The following INPP5A variants were observed in gnomAD, a reference collection of about 807,000 sequenced individuals.
INPP5A encodes the protein 43 kDa inositol polyphosphate 5-phophatase.
In INPP5A, 14 loss-of-function variants were observed where a neutral mutation model predicts 65.2. The ratio of observed to expected loss-of-function variants is 0.21; its 90% confidence interval spans 0.14 to 0.34. The LOEUF (loss-of-function observed/expected upper bound fraction) is 0.34, where lower values mean the gene tolerates loss of function less well. Ranked by LOEUF, INPP5A falls within the 10% of genes least tolerant of loss-of-function variation. The pLI, the probability that INPP5A is intolerant of heterozygous loss-of-function variation, is 1.00. For missense variants in INPP5A, 431 were observed against 545.6 expected (o/e 0.79, Z 2.09); for synonymous variants, 207 against 208.3 (o/e 0.99, Z 0.05).
chr10:132,608,032 C>T, intron 2 of INPP5A, 76 bp downstream of exon 2: 1 of 1,364,610 alleles, frequency 7.3e-7, no homozygotes. Context: ...GGCATTCCTC[C>T]ATGGAGTCTG....
At chr10:132,757,354 G>A (rs553605039) in intron 11 of INPP5A, among the ~76,000 whole-genome samples, 3 of 152,344 alleles carry the variant, frequency 2.0e-5, no homozygotes, top group Admixed American at 1.3e-4. Flanking sequence ...AGAGGTGCAC[G>A]CTTTTTCTTC....
At position 132,575,572 on chromosome 10, in the gene INPP5A, C is replaced by A. The variant is rs1446452063; in HGVS notation, c.76-32343C>A. ...GCACTATCCTACTTCCCTAACCCAA[C>A]CACAAGCAGCGGAGCCAGTTATTTC... On this transcript the variant is annotated intron_variant, in intron 1 of 15. Coordinates refer to ENST00000368594, the MANE Select transcript of INPP5A (RefSeq NM_005539.5). The surrounding 1 kb of genome is among the most constrained non-coding windows in gnomAD (Gnocchi z 5.4). Among the ~76,000 whole-genome samples the A allele has an allele frequency of 6.6e-6, 1 of 152,200 alleles. No homozygotes were observed.
intron 3 of INPP5A, among the ~76,000 whole-genome samples, chr10:132,646,803 C>T (rs1418198647): frequency 2.6e-5 from 4 of 151,882 alleles, no homozygotes; most frequent in East Asian, 1.9e-4. Flanking sequence ...GGGCCGACGC[C>T]GCTGCCACAC....
chr10:132,635,385 G>GTTTTTTTT (rs1564943179), intron 2 of INPP5A, among the ~76,000 whole-genome samples: 3 of 40,166 alleles, frequency 7.5e-5, no homozygotes, highest in East Asian at 1.0e-3. Flanking sequence ...CCTTTTTAAA[G>GTTTTTTTT]ATTTTTTTTT....
chr10:132,573,660 G>A (rs1256786467), intron 1 of INPP5A, among the ~76,000 whole-genome samples: 7 of 97,940 alleles, frequency 7.1e-5, no homozygotes, highest in African/African-American at 9.4e-5. Context: ...GTTGGGGTGT[G>A]CGTGCCGTGT....
rs1160537533 is a variant in INPP5A, at chr10:132,587,692, A to G, written c.76-20223A>G. Among the ~76,000 whole-genome samples, 1 of 152,156 alleles carries G rather than the reference A, an allele frequency of 6.6e-6. No homozygotes were observed. Among genetic ancestry groups the G allele is most frequent in the Non-Finnish European group, 1.5e-5 (1 of 68,028 alleles). On this transcript the variant is annotated intron_variant, in intron 1 of 15. Transcript: ENST00000368594. The surrounding 1 kb of genome is among the most constrained non-coding windows in gnomAD (Gnocchi z 4.3). Reference sequence around the variant, plus strand: ...GCGTTTTGTGTATGCCATGATTTCAAAGTTATACTTGTGTTGTTTCTTAGA... The same window carrying G: ...GCGTTTTGTGTATGCCATGATTTCAGAGTTATACTTGTGTTGTTTCTTAGA...
rs540968669 is a variant in INPP5A, at chr10:132,579,456, G to A, written c.76-28459G>A. On this transcript the variant is annotated intron_variant, in intron 1 of 15. Transcript: ENST00000368594. Reference sequence around the variant, plus strand: ...CAGTAGGGGTGTGGGATTGTGCAGGGCAGGGAAGGGGCAGAGAGGGGGCCG... The same window carrying A: ...CAGTAGGGGTGTGGGATTGTGCAGGACAGGGAAGGGGCAGAGAGGGGGCCG... Among the ~76,000 whole-genome samples, 4 of 152,294 alleles carry A rather than the reference G, an allele frequency of 2.6e-5. No homozygotes were observed. The South Asian group carries it at 8.3e-4, about 32-fold the overall frequency.
chr10:132,543,508 C>T (rs1488030745), intron 1 of INPP5A, among the ~76,000 whole-genome samples: 1 of 152,238 alleles, frequency 6.6e-6, no homozygotes, highest in Non-Finnish European at 1.5e-5. Flanking sequence ...CCTTGACCTC[C>T]TGGCTTCAAG....
intron 2 of INPP5A, among the ~76,000 whole-genome samples, chr10:132,630,991 C>T (rs148515507): frequency 1.1e-3 from 163 of 152,254 alleles, no homozygotes; most frequent in African/African-American, 3.7e-3. Context: ...AAGGCTGCTG[C>T]ATGTGGTCAG....
At chr10:132,689,592 G>A (rs186405370) in intron 4 of INPP5A, among the ~76,000 whole-genome samples, 2 of 152,308 alleles carry the variant, frequency 1.3e-5, no homozygotes, top group East Asian at 1.9e-4. Context: ...ACCAGGCCCC[G>A]TGTTGGGGTT....
At position 132,731,572 on chromosome 10, in the gene INPP5A, G is replaced by A. The variant is rs201527125; in HGVS notation, c.732+4667G>A. ...GTGTTTTCAGCAGCAGGTTTTCTTC[G>A]CTGGTGCCGTTTGTTGGTGTCAGAC... is the stretch of plus-strand genomic sequence containing the variant. On this transcript the variant is annotated intron_variant, in intron 9 of 15. Coordinates refer to ENST00000368594, the MANE Select transcript of INPP5A (RefSeq NM_005539.5). Among the ~76,000 whole-genome samples the A allele has an allele frequency of 4.6e-5, 7 of 152,306 alleles. No individual in the cohort carries two copies. The East Asian group carries it at 1.2e-3, about 25-fold the overall frequency.
At chr10:132,722,159 A>G (rs906911583) in intron 8 of INPP5A, among the ~76,000 whole-genome samples, 4 of 152,232 alleles carry the variant, frequency 2.6e-5, no homozygotes, top group African/African-American at 9.6e-5. Context: ...TTGTTTGATC[A>G]GAGAATGTGG....
At chr10:132,717,874 G>C (rs1380581833) in intron 8 of INPP5A, among the ~76,000 whole-genome samples, 1 of 144,530 alleles carries the variant, frequency 6.9e-6, no homozygotes, top group Admixed American at 6.7e-5. Context: ...GGTTCTGTCT[G>C]GGCGCCTTAG....
At chr10:132,754,385 A>C (rs1239867852) in intron 11 of INPP5A, among the ~76,000 whole-genome samples, 4 of 152,152 alleles carry the variant, frequency 2.6e-5, no homozygotes, top group Non-Finnish European at 5.9e-5. Context: ...CAGCCTCACG[A>C]GTGAGCGATG....
intron 11 of INPP5A, among the ~76,000 whole-genome samples, chr10:132,764,022 C>T (rs1185704288): frequency 6.6e-6 from 1 of 152,258 alleles, no homozygotes; most frequent in Non-Finnish European, 1.5e-5. Flanking sequence ...GGGGCCCTTC[C>T]CAGAGGCTGT....
intron 7 of INPP5A, among the ~76,000 whole-genome samples, chr10:132,709,495 C>T (rs1022988085): frequency 3.3e-5 from 5 of 152,098 alleles, no homozygotes; most frequent in Non-Finnish European, 5.9e-5. Context: ...GCAGTGCAGG[C>T]TGCAGGCTGC....
At chr10:132,779,998 A>G (rs751803016) in intron 13 of INPP5A, among the ~76,000 whole-genome samples, 2 of 152,260 alleles carry the variant, frequency 1.3e-5, no homozygotes, top group Non-Finnish European at 2.9e-5. Context: ...GCTGCGTTTG[A>G]TGAATGTTTC....
chr10:132,646,507 AGCAGGCAGGG>A (rs1331243344), intron 3 of INPP5A, among the ~76,000 whole-genome samples: 1 of 152,064 alleles, frequency 6.6e-6, no homozygotes, highest in African/African-American at 2.4e-5. Flanking sequence ...AGTGGACAGG[AGCAGGCAGGG>A]GCAGGCAGGC....
intron 11 of INPP5A, among the ~76,000 whole-genome samples, chr10:132,754,820 C>T (rs759254893): frequency 1.8e-4 from 27 of 152,344 alleles, no homozygotes; most frequent in African/African-American, 5.1e-4. Flanking sequence ...TTCCAGCTTC[C>T]CCACAACTTG....
Sources: gnomAD v4.1 joint callset for allele counts (sites outside exome capture counted in the v4.1 genomes callset) on GRCh38, gnomAD v4.1.1 for gene constraint, Gnocchi (gnomAD v3.1) non-coding constraint, MANE v1.5 for transcripts, NCBI Gene and HGNC (gene_info 2026-07-23, HGNC 2026-07-21) for gene names.